The following ELSPBP1 variants were observed in gnomAD, a reference collection of about 807,000 sequenced individuals.
The protein encoded by ELSPBP1 is epididymal sperm-binding protein 1.
In ELSPBP1, 38 loss-of-function variants were observed where a neutral mutation model predicts 33.3. The observed-to-expected ratio is 1.14, with a 90% CI of 0.88 to 1.50. The LOEUF (loss-of-function observed/expected upper bound fraction) is 1.50, where lower values mean the gene tolerates loss of function less well. ELSPBP1 is among the 40% of genes most tolerant of loss of function. ELSPBP1 has a pLI of 0.00. For missense variants in ELSPBP1, 267 were observed against 263.5 expected, an observed-to-expected ratio of 1.01 and a Z score of -0.09; for synonymous variants, 85 against 94.1, an observed-to-expected ratio of 0.90 and a Z score of 0.56.
chr19:48,005,801 C>T (rs1967011752), intron 1 of ELSPBP1, among the ~76,000 whole-genome samples: 1 of 152,182 alleles, frequency 6.6e-6, no homozygotes, highest in Non-Finnish European at 1.5e-5. Context: ...AGTTCTCCAA[C>T]TTGCATGATC....
chr19:48,023,286 AGGAAAGGAAGGAAGG>A (rs375883540), intron 6 of ELSPBP1, among the ~76,000 whole-genome samples: 4,750 of 135,468 alleles, frequency 0.035, 113 homozygotes, highest in East Asian at 0.083. Context: ...GAAAGGAGGG[AGGAAAGGAAGGAAGG>A]AGAGAAGAAA....
At chr19:48,022,645 C>G (rs968850791) in intron 6 of ELSPBP1, among the ~76,000 whole-genome samples, 3 of 152,132 alleles carry the variant, frequency 2.0e-5, no homozygotes, top group Admixed American at 6.5e-5. Flanking sequence ...CAAACTTTTT[C>G]AGACCCAGGA....
intron 1 of ELSPBP1, among the ~76,000 whole-genome samples, chr19:47,998,881 AG>A (rs1966939311): frequency 1.3e-5 from 2 of 152,044 alleles, no homozygotes; most frequent in South Asian, 4.1e-4. Context: ...GTACAAGTCC[AG>A]TAAACACACC....
chr19:48,020,917 G>GCA (rs1200518619), intron 5 of ELSPBP1, among the ~76,000 whole-genome samples: 307 of 152,268 alleles, frequency 2.0e-3, no homozygotes, highest in African/African-American at 5.7e-3. Context: ...GCTGTGGGTG[G>GCA]GGGGGTGTGT....
At chr19:47,997,170 C>T (rs1966919502) in intron 1 of ELSPBP1, among the ~76,000 whole-genome samples, 1 of 152,158 alleles carries the variant, frequency 6.6e-6, no homozygotes, top group African/African-American at 2.4e-5. Flanking sequence ...CCCGGCACAG[C>T]GCTTTGCTCT....
At chr19:48,017,645 G>C (rs1323600803) in intron 4 of ELSPBP1, among the ~76,000 whole-genome samples, 1 of 152,040 alleles carries the variant, frequency 6.6e-6, no homozygotes, top group Non-Finnish European at 1.5e-5. Flanking sequence ...AATCCCAAAA[G>C]GGATTGGGAG....
At chr19:48,006,585 G>A (rs970043841) in intron 1 of ELSPBP1, among the ~76,000 whole-genome samples, 4 of 69,422 alleles carry the variant, frequency 5.8e-5, no homozygotes, top group African/African-American at 1.9e-4. Context: ...CTGCACTCCA[G>A]TCTGGGCGTC....
At chr19:48,008,830 T>C in intron 2 of ELSPBP1, 93 bp downstream of exon 2, 1 of 1,150,972 alleles carries the variant, frequency 8.7e-7, no homozygotes, top group Non-Finnish European at 1.3e-6. Context: ...AGGCAGGAGA[T>C]GGCTTAGCAA....
rs537350073 is a variant in ELSPBP1, at chr19:48,023,878, T to C, written c.*8-1074T>C. ...TTTTCTTTTTCTTTATTTTATTTAT[T>C]TATTTTTTTTGAGACGGGGTCTCAC... On this transcript the variant is annotated intron_variant, in intron 6 of 6. Coordinates refer to ENST00000339841, the MANE Select transcript of ELSPBP1 (RefSeq NM_022142.5). Among the ~76,000 whole-genome samples the C allele has an allele frequency of 3.3e-5, 5 of 151,864 alleles. No individual in the cohort carries two copies. The East Asian group carries it at 7.7e-4, about 23-fold the overall frequency.
At chr19:48,000,651 C>T (rs1490445363) in intron 1 of ELSPBP1, among the ~76,000 whole-genome samples, 1 of 152,154 alleles carries the variant, frequency 6.6e-6, no homozygotes, top group Non-Finnish European at 1.5e-5. Context: ...ACAGGCTACC[C>T]TTTTCCGAAG....
chr19:48,016,463 TCCTTCTTTC>T (rs1568407321), intron 4 of ELSPBP1, among the ~76,000 whole-genome samples: 12 of 19,092 alleles, frequency 6.3e-4, no homozygotes, highest in African/African-American at 2.6e-3. Flanking sequence ...TTCTTTTCTT[TCCTTCTTTC>T]TTTCTTTCTT....
At chr19:48,000,542 G>C (rs1037518104) in intron 1 of ELSPBP1, among the ~76,000 whole-genome samples, 4 of 152,122 alleles carry the variant, frequency 2.6e-5, no homozygotes, top group African/African-American at 9.7e-5. Context: ...ACAGTCCTAC[G>C]GGATAGATTT....
intron 1 of ELSPBP1, among the ~76,000 whole-genome samples, chr19:48,000,821 A>C (rs192149266): frequency 6.6e-6 from 1 of 152,324 alleles, no homozygotes; most frequent in East Asian, 1.9e-4. Flanking sequence ...AGAGATAATG[A>C]AAATGATAAC....
At chr19:48,015,832 T>A in intron 3 of ELSPBP1, 61 bp from the exon 4 acceptor site, 1 of 1,488,172 alleles carries the variant, frequency 6.7e-7, no homozygotes. Flanking sequence ...GATGATTAAA[T>A]GACTCTGTCC....
At chr19:48,013,961 T>C (rs1967103349) in intron 2 of ELSPBP1, among the ~76,000 whole-genome samples, 1 of 152,068 alleles carries the variant, frequency 6.6e-6, no homozygotes. Context: ...CTTATCTCAG[T>C]CATGAAGGCT....
rs186657148 is a variant in ELSPBP1, at chr19:48,011,097, C to T, written c.70+2360C>T. Among the ~76,000 whole-genome samples, 233 of 151,574 alleles carry T rather than the reference C, an allele frequency of 1.5e-3. 3 individuals carry two copies. The highest frequency in any genetic ancestry group is 0.013 in the Admixed American group (201 of 15,226). The stretch of plus-strand genomic sequence containing the variant: ...ACGGTAATGATGACAACAATAATAG[C>T]GACAATGACAATGATGATGGTGACA... On this transcript the variant is annotated intron_variant, in intron 2 of 6. Transcript: ENST00000339841. The surrounding 1 kb of genome is among the most constrained non-coding windows in gnomAD (Gnocchi z 4.5).
Position 48,017,910 on chromosome 19 carries a change from A to G in ELSPBP1, c.356-1809A>G, listed in dbSNP as rs560259002. On this transcript the variant is annotated intron_variant, in intron 4 of 6. Transcript: ENST00000339841. The stretch of plus-strand genomic sequence containing the variant: ...AGATCTTGTCTCAAAAAAAAAAAAA[A>G]AAAAAAAAAAGGAGGAAAAGAAACA... 4.0e-4 allele frequency among the ~76,000 whole-genome samples: 61 copies of G among 151,718 alleles called. 3 individuals carry two copies. In the South Asian group the frequency reaches 0.012, roughly 31 times the overall value.
chr19:48,023,125 AAG>A (rs1021722360), intron 6 of ELSPBP1, among the ~76,000 whole-genome samples: 1 of 143,078 alleles, frequency 7.0e-6, no homozygotes, highest in Non-Finnish European at 1.5e-5. Flanking sequence ...GAGGGAGGAA[AAG>A]AGAGAGGAAG....
chr19:48,007,916 G>A (rs894274644), intron 1 of ELSPBP1, among the ~76,000 whole-genome samples: 20 of 152,056 alleles, frequency 1.3e-4, no homozygotes, highest in Admixed American at 5.2e-4. Flanking sequence ...GTTGAACATC[G>A]AGCCTGGAGT....
Sources: allele counts gnomAD v4.1 joint callset (sites outside exome capture counted in the v4.1 genomes callset), GRCh38; gene constraint gnomAD v4.1.1; non-coding constraint Gnocchi (gnomAD v3.1); transcripts MANE v1.5; gene names NCBI Gene and HGNC (gene_info 2026-07-23, HGNC 2026-07-21).